The following B4GALT2 variants were observed in gnomAD, a reference collection of about 807,000 sequenced individuals.
The protein encoded by B4GALT2 is N-acetyllactosamine synthase.
Under a neutral mutation model 33.2 loss-of-function variants are expected in B4GALT2, and 18 were observed. The observed-to-expected ratio is 0.54, with a 90% CI of 0.38 to 0.80. B4GALT2 has a LOEUF of 0.80. B4GALT2 is among the 30% of genes least tolerant of loss of function. The pLI, the probability that B4GALT2 is intolerant of heterozygous loss-of-function variation, is 0.00. For synonymous variants in B4GALT2, 214 were observed against 217.6 expected (o/e 0.98, Z 0.15); for missense variants, 404 against 526.2 (o/e 0.77, Z 2.27).
chr1:43,980,992 G>A, intron 1 of B4GALT2, 117 bp from the exon 2 acceptor site: 1 of 1,336,336 alleles, frequency 7.5e-7, no homozygotes, highest in South Asian at 1.5e-5. Flanking sequence ...GAAAGGGTAT[G>A]AGCAGGTCAG....
Position 43,979,683 on chromosome 1 carries a change from C to T in B4GALT2, c.-53+172C>T. ...CCACCCCGCCCCCACTCCGGCGCCCCTCCTGGGCTTCTCCGCCCGCGTCCA... is the reference window on the plus strand; with the variant it reads ...CCACCCCGCCCCCACTCCGGCGCCCTTCCTGGGCTTCTCCGCCCGCGTCCA... On this transcript the variant is annotated intron_variant, in intron 1 of 6. Coordinates refer to ENST00000372324, the MANE Select transcript of B4GALT2 (RefSeq NM_003780.5). This position sits in a 1 kb window ranked among gnomAD's most constrained non-coding sequence, Gnocchi z 4.8. The T allele has an allele frequency of 3.9e-6, 1 of 255,730 alleles. No individual in the cohort carries two copies. Among genetic ancestry groups the T allele is most frequent in the Non-Finnish European group, 7.6e-6 (1 of 131,610 alleles). 15.8% of individuals were successfully genotyped at this position (255,730 alleles called of 1,614,324 possible). A position where few individuals can be genotyped will look rare whatever the true frequency, so the allele number is the denominator to read the frequency against.
intron 6 of B4GALT2, among the ~76,000 whole-genome samples, chr1:43,987,364 G>A (rs912050734): frequency 8.5e-5 from 13 of 152,264 alleles, no homozygotes; most frequent in South Asian, 2.1e-4. Flanking sequence ...ACAGAGCAGC[G>A]TCAGGAAGCC....
intron 1 of B4GALT2, chr1:43,980,477 G>C (rs1477572744): frequency 1.1e-6 from 1 of 918,648 alleles, no homozygotes; most frequent in African/African-American, 1.8e-5. Flanking sequence ...TGGGCCCCCC[G>C]GATGCTGAGG....
rs745652861 is a variant in B4GALT2, at chr1:43,990,470, G to A, written c.*22G>A. 1.7e-5 allele frequency: 28 copies of A among 1,613,562 alleles called. No individual in the cohort carries two copies. Among genetic ancestry groups the A allele is most frequent in the Admixed American group, 8.3e-5 (5 of 59,996 alleles). ...CTGACACTAATGGACAGAGGCTCTC[G>A]GTGCCGAAGATTGCCTGCCAGAGGA... On this transcript the variant is annotated 3_prime_UTR_variant, in exon 7 of 7. Coordinates refer to ENST00000372324, the MANE Select transcript of B4GALT2 (RefSeq NM_003780.5).
chr1:43,984,783 A>C lies in B4GALT2; in HGVS notation c.550-82A>C. On this transcript the variant is annotated intron_variant, in intron 3 of 6. Coordinates refer to ENST00000372324, the MANE Select transcript of B4GALT2 (RefSeq NM_003780.5). This position sits in a 1 kb window ranked among gnomAD's most constrained non-coding sequence, Gnocchi z 5.6. Reference sequence around the variant, plus strand: ...GCAGCGAGGGGGCTGGTAGATCCCCAGAGACTGCTCTGGAGAGTGGCAAAA... The same window carrying C: ...GCAGCGAGGGGGCTGGTAGATCCCCCGAGACTGCTCTGGAGAGTGGCAAAA... 1.4e-6 allele frequency: 2 copies of C among 1,437,456 alleles called. No homozygotes were observed. The highest frequency in any genetic ancestry group is 9.5e-7 in the Non-Finnish European group (1 of 1,049,566). The allele number at this position is 1,437,456 out of a possible 1,614,324, so 89.0% of individuals were successfully genotyped here.
At position 43,982,030 on chromosome 1, in the gene B4GALT2, G is replaced by C; in HGVS notation, c.549+106G>C. The stretch of plus-strand genomic sequence containing the variant: ...GATATGTGGATGGACCTGGGCGTGG[G>C]TAGTCGGTGTTTGTCAGTGTGCACA... On this transcript the variant is annotated intron_variant, in intron 3 of 6. Coordinates refer to ENST00000372324, the MANE Select transcript of B4GALT2 (RefSeq NM_003780.5). The surrounding 1 kb of genome is among the most constrained non-coding windows in gnomAD (Gnocchi z 4.3). 8.7e-7 allele frequency: 1 copy of C among 1,147,088 alleles called. No individual in the cohort carries two copies. Among genetic ancestry groups the C allele is most frequent in the Non-Finnish European group, 1.2e-6 (1 of 801,822 alleles). 71.1% of individuals were successfully genotyped at this position (1,147,088 alleles called of 1,614,324 possible).
Position 43,986,506 on chromosome 1 carries a change from G to T in B4GALT2, c.968+885G>T, listed in dbSNP as rs1332818283. Among the ~76,000 whole-genome samples the T allele has an allele frequency of 3.3e-5, 5 of 152,202 alleles. No homozygotes were observed. In the East Asian group the frequency reaches 9.6e-4, roughly 29 times the overall value. On this transcript the variant is annotated intron_variant, in intron 6 of 6. Coordinates refer to ENST00000372324, the MANE Select transcript of B4GALT2 (RefSeq NM_003780.5). ...CAGGCTAATAGAGGAAGCCAGCCTGGATAAGGAGAATCATATCTGGAAGAT... is the reference window on the plus strand; with the variant it reads ...CAGGCTAATAGAGGAAGCCAGCCTGTATAAGGAGAATCATATCTGGAAGAT...
intron 1 of B4GALT2, among the ~76,000 whole-genome samples, 177 bp from the exon 2 acceptor site, chr1:43,980,932 A>G (rs2085586689): frequency 6.6e-6 from 1 of 152,086 alleles, no homozygotes; most frequent in Non-Finnish European, 1.5e-5. Flanking sequence ...AGTTGCCGGG[A>G]ACTGTGCCTG....
At chr1:43,980,576 G>T in intron 1 of B4GALT2, 1 of 995,320 alleles carries the variant, frequency 1.0e-6, no homozygotes. Flanking sequence ...GCTCCTGGAA[G>T]GACTAAATGA....
rs2085597529 is a variant in B4GALT2 at position 43,981,596 on chromosome 1, G to T, written c.314-93G>T. The T allele has an allele frequency of 5.2e-6, 8 of 1,532,322 alleles. No individual in the cohort carries two copies. The highest frequency in any genetic ancestry group is 7.0e-6 in the Non-Finnish European group (8 of 1,138,016). 94.9% of individuals were successfully genotyped at this position (1,532,322 alleles called of 1,614,324 possible). The stretch of plus-strand genomic sequence containing the variant: ...GGTCTGTTGTAAGAGGGCTATTCTT[G>T]GGGTTCCCTAGCCCACCCCCAGGCT... On this transcript the variant is annotated intron_variant, in intron 2 of 6. Transcript: ENST00000372324. This position sits in a 1 kb window ranked among gnomAD's most constrained non-coding sequence, Gnocchi z 8.1.
chr1:43,982,059 A>ATTCC lies in B4GALT2; in HGVS notation c.549+136_549+137insTCCT. 2 of 827,890 alleles carry ATTCC rather than the reference A, an allele frequency of 2.4e-6. No individual in the cohort carries two copies. Among genetic ancestry groups the ATTCC allele is most frequent in the Non-Finnish European group, 3.8e-6 (2 of 523,954 alleles). 51.3% of individuals were successfully genotyped at this position (827,890 alleles called of 1,614,324 possible). ...TCGGTGTTTGTCAGTGTGCACAGGA[A>ATTCC]TGTGTACGCACAGTGTGTGCATGTG... On this transcript the variant is annotated intron_variant, in intron 3 of 6. Coordinates refer to ENST00000372324, the MANE Select transcript of B4GALT2 (RefSeq NM_003780.5). The surrounding 1 kb of genome is among the most constrained non-coding windows in gnomAD (Gnocchi z 4.3).
At chr1:43,985,475 C>T (rs200239781) in intron 5 of B4GALT2, 42 bp from the exon 6 acceptor site, 2 of 1,598,072 alleles carry the variant, frequency 1.3e-6, no homozygotes, top group East Asian at 4.5e-5. Flanking sequence ...GGTTCTTTGC[C>T]CTTCCTGGAG....
Position 43,985,542 on chromosome 1 carries a change from T to G in B4GALT2, c.889T>G (p.Ser297Ala). ...GATCTCCCTGACTGGGATGAAGATC[T>G]CACGCCCAGACATCCGAATCGGCCG... ...NRISLTGMKI[S>A]RPDIRIGRYR... is the part of the protein sequence containing the mutation. Residue 297 changes from serine to alanine, a missense_variant, in exon 6 of 7, where the codon TCA (serine) becomes GCA (alanine). Coordinates refer to ENST00000372324, the MANE Select transcript of B4GALT2 (RefSeq NM_003780.5). 1 of 1,612,692 alleles carries G rather than the reference T, an allele frequency of 6.2e-7. No homozygotes were observed. Among genetic ancestry groups the G allele is most frequent in the East Asian group, 2.2e-5 (1 of 44,794 alleles).
At chr1:43,983,982 C>T (rs940263983) in intron 3 of B4GALT2, among the ~76,000 whole-genome samples, 4 of 152,212 alleles carry the variant, frequency 2.6e-5, no homozygotes, top group Admixed American at 2.6e-4. Context: ...ATCCCCTCTC[C>T]AGGAACCTTT....
rs937967837 is a variant in B4GALT2 at position 43,982,808 on chromosome 1, G to C, written c.549+884G>C. 4.6e-5 allele frequency among the ~76,000 whole-genome samples: 7 copies of C among 152,206 alleles called. No homozygotes were observed. Among genetic ancestry groups the C allele is most frequent in the Admixed American group, 1.3e-4 (2 of 15,286 alleles). On this transcript the variant is annotated intron_variant, in intron 3 of 6. Coordinates refer to ENST00000372324, the MANE Select transcript of B4GALT2 (RefSeq NM_003780.5). This position sits in a 1 kb window ranked among gnomAD's most constrained non-coding sequence, Gnocchi z 4.3. Reference sequence around the variant, plus strand: ...TAAGGAGAGAGTGACTTGCGTGTTTGCTTTGTAGAAAGGTCACTCTGGTTG... The same window carrying C: ...TAAGGAGAGAGTGACTTGCGTGTTTCCTTTGTAGAAAGGTCACTCTGGTTG...
At position 43,984,066 on chromosome 1, in the gene B4GALT2, T is replaced by A. The variant is rs2085629901; in HGVS notation, c.550-799T>A. ...GCGCCTCCCACTGAATGCTCCCTGCTAGTCCTAGTCCAGAGTCTGGTGCTT... is the reference window on the plus strand; with the variant it reads ...GCGCCTCCCACTGAATGCTCCCTGCAAGTCCTAGTCCAGAGTCTGGTGCTT... On this transcript the variant is annotated intron_variant, in intron 3 of 6. Transcript: ENST00000372324. The surrounding 1 kb of genome is among the most constrained non-coding windows in gnomAD (Gnocchi z 5.6). 6.6e-6 allele frequency among the ~76,000 whole-genome samples: 1 copy of A among 152,244 alleles called. No homozygotes were observed. The highest frequency in any genetic ancestry group is 6.5e-5 in the Admixed American group (1 of 15,288).
At chr1:43,985,689 A>G in intron 6 of B4GALT2, 68 bp downstream of exon 6, 1 of 1,485,726 alleles carries the variant, frequency 6.7e-7, no homozygotes, top group Non-Finnish European at 9.4e-7. Context: ...TCTTGACCCC[A>G]AGTGGCCCAA....
chr1:43,990,567 G>C lies in B4GALT2; in HGVS notation c.*119G>C. The C allele has an allele frequency of 7.1e-7, 1 of 1,403,454 alleles. No homozygotes were observed. Among genetic ancestry groups the C allele is most frequent in the Middle Eastern group, 2.6e-4 (1 of 3,832 alleles). 86.9% of individuals were successfully genotyped at this position (1,403,454 alleles called of 1,614,324 possible). On this transcript the variant is annotated 3_prime_UTR_variant, in exon 7 of 7. Coordinates refer to ENST00000372324, the MANE Select transcript of B4GALT2 (RefSeq NM_003780.5). ...CTGAGACTGGGCTCTGTTTTCCAAG[G>C]GTCTTCACTAGGCCCCCTAGCTACA...
chr1:43,985,291 G>A lies in B4GALT2; in HGVS notation c.754G>A (p.Gly252Ser), dbSNP rs1158832813. The A allele has an allele frequency of 1.2e-6, 2 of 1,612,766 alleles. No individual in the cohort carries two copies. Among genetic ancestry groups the A allele is most frequent in the Non-Finnish European group, 1.7e-6 (2 of 1,179,286 alleles). ...DKFGFRLPYAGYFGGVSGLSK... is the reference protein window; with the variant it reads ...DKFGFRLPYASYFGGVSGLSK... ...CCCATGCCACAGGCTTCCCTATGCT[G>A]GCTACTTTGGAGGTGTGTCAGGCCT... Residue 252 changes from glycine (G) to serine (S), a missense_variant, in exon 5 of 7, where the codon GGC becomes AGC. Coordinates refer to ENST00000372324, the MANE Select transcript of B4GALT2 (RefSeq NM_003780.5).
Sources: gnomAD v4.1 joint callset for allele counts (sites outside exome capture counted in the v4.1 genomes callset) on GRCh38, gnomAD v4.1.1 for gene constraint, Gnocchi (gnomAD v3.1) non-coding constraint, MANE v1.5 for transcripts, NCBI Gene and HGNC (gene_info 2026-07-23, HGNC 2026-07-21) for gene names.